Variants in TENM2 observed in about 807,000 individuals in gnomAD.
The protein encoded by TENM2 is teneurin-2.
TENM2 carries 52 observed loss-of-function variants against 245.2 expected under a neutral mutation model. The ratio of observed to expected loss-of-function variants is 0.21; its 90% CI spans 0.17 to 0.27. The LOEUF (loss-of-function observed/expected upper bound fraction) is 0.27. Among genes scored for constraint, TENM2 ranks in the 10% least tolerant of loss-of-function variants. TENM2 has a pLI of 1.00. For synonymous variants in TENM2, 1,363 were observed against 1,438.9 expected (o/e 0.95, Z 1.19); for missense variants, 3,046 against 3,666.8 (o/e 0.83, Z 4.37).
rs549267132 is a variant in TENM2, at chr5:167,405,560, G to A, written c.502+30087G>A. On this transcript the variant is annotated intron_variant, in intron 2 of 28. Transcript: ENST00000518659. ...TTATAAAGGTAATCTGGGTAATGCC[G>A]GGCTCTTACACTCTATTTTAAATCA... Among the ~76,000 whole-genome samples, 12 of 151,742 alleles carry A rather than the reference G, an allele frequency of 7.9e-5. No homozygotes were observed. In the East Asian group the frequency reaches 9.7e-4, roughly 12 times the overall value.
At chr5:167,463,510 T>TA (rs1296109000) in intron 2 of TENM2, among the ~76,000 whole-genome samples, 1 of 152,054 alleles carries the variant, frequency 6.6e-6, no homozygotes, top group East Asian at 1.9e-4. Flanking sequence ...TATTTTATTT[T>TA]TTTTTGAGGC....
At chr5:167,072,202 T>G in the TENM2 span, among the ~76,000 whole-genome samples, 1 of 152,096 alleles carries the variant, frequency 6.6e-6, no homozygotes, top group Admixed American at 6.6e-5. Flanking sequence ...AGGAATACAT[T>G]TAGCATCCAA....
intron 2 of TENM2, among the ~76,000 whole-genome samples, chr5:167,605,456 T>TA (rs940345283): frequency 3.9e-5 from 6 of 152,158 alleles, no homozygotes; most frequent in African/African-American, 1.4e-4. Context: ...GGCCAGTGAA[T>TA]AACTGTTCAT....
At chr5:167,440,085 A>G (rs1764795270) in intron 2 of TENM2, among the ~76,000 whole-genome samples, 1 of 152,146 alleles carries the variant, frequency 6.6e-6, no homozygotes, top group South Asian at 2.1e-4. Context: ...CAGTAAATAG[A>G]TTTTATTTTT....
chr5:167,588,445 T>C (rs984185404), intron 2 of TENM2, among the ~76,000 whole-genome samples: 4 of 152,246 alleles, frequency 2.6e-5, no homozygotes, highest in Non-Finnish European at 4.4e-5. Context: ...TTGTGTGAAA[T>C]TCATTTTAGA....
intron 2 of TENM2, among the ~76,000 whole-genome samples, chr5:167,593,628 T>A (rs1022660860): frequency 6.6e-6 from 1 of 152,218 alleles, no homozygotes; most frequent in Non-Finnish European, 1.5e-5. Flanking sequence ...AGAGCTAAAT[T>A]AAAGTTGCAA....
intron 2 of TENM2, among the ~76,000 whole-genome samples, chr5:167,794,756 A>G (rs115975503): frequency 0.03 from 4,526 of 152,324 alleles, 112 homozygotes; most frequent in Non-Finnish European, 0.045. Context: ...GGGAAGGGAC[A>G]TTTAGGCAAA....
intron 25 of TENM2, among the ~76,000 whole-genome samples, chr5:168,238,229 G>GAAAAGAGAA (rs1765729750): frequency 2.5e-5 from 2 of 81,114 alleles, no homozygotes; most frequent in Non-Finnish European, 5.0e-5. Context: ...GAGAAGAAAA[G>GAAAAGAGAA]AAAAGAAAAG....
intron 2 of TENM2, among the ~76,000 whole-genome samples, chr5:167,389,662 A>G (rs959181634): frequency 2.0e-5 from 3 of 152,118 alleles, no homozygotes; most frequent in Non-Finnish European, 4.4e-5. Context: ...CTGTTTTCTT[A>G]AGATGAATTC....
chr5:168,174,718 C>T (rs1233885243), intron 13 of TENM2, among the ~76,000 whole-genome samples: 1 of 152,162 alleles, frequency 6.6e-6, no homozygotes, highest in Non-Finnish European at 1.5e-5. Flanking sequence ...TGAGGAGAGA[C>T]AGGCCAAACA....
At chr5:167,541,511 C>T (rs1453535200) in intron 2 of TENM2, among the ~76,000 whole-genome samples, 1 of 152,110 alleles carries the variant, frequency 6.6e-6, no homozygotes, top group African/African-American at 2.4e-5. Context: ...TGTTTCAAAG[C>T]AGCAGGAATT....
chr5:168,243,942 T>C (rs1562327107), intron 25 of TENM2, among the ~76,000 whole-genome samples: 1 of 148,236 alleles, frequency 6.7e-6, no homozygotes, highest in African/African-American at 2.5e-5. Flanking sequence ...CTTTGGTTTT[T>C]TTTTTTTTTT....
At chr5:168,008,998 T>G (rs1785026794) in intron 5 of TENM2, among the ~76,000 whole-genome samples, 1 of 152,194 alleles carries the variant, frequency 6.6e-6, no homozygotes, top group Non-Finnish European at 1.5e-5. Context: ...TATGGAAGTC[T>G]ATAGAGAAAA....
the TENM2 span, among the ~76,000 whole-genome samples, chr5:167,023,813 G>A: frequency 6.6e-6 from 1 of 152,178 alleles, no homozygotes; most frequent in Non-Finnish European, 1.5e-5. Flanking sequence ...ATTAATGTAA[G>A]TCTATAAGTC....
chr5:167,022,557 T>A, the TENM2 span, among the ~76,000 whole-genome samples: 1 of 152,350 alleles, frequency 6.6e-6, no homozygotes, highest in South Asian at 2.1e-4. Flanking sequence ...ATCTAGCAAC[T>A]CAACTCACGT....
At chr5:167,101,466 G>A in the TENM2 span, among the ~76,000 whole-genome samples, 3 of 152,062 alleles carry the variant, frequency 2.0e-5, no homozygotes, top group Non-Finnish European at 4.4e-5. Context: ...AATGGCAATG[G>A]TGTCTTCCAT....
intron 1 of TENM2, among the ~76,000 whole-genome samples, chr5:167,343,069 C>G (rs1346401393): frequency 6.6e-6 from 1 of 151,970 alleles, no homozygotes. Flanking sequence ...TTTTGGGTTC[C>G]AAGTTAATAC....
intron 2 of TENM2, among the ~76,000 whole-genome samples, chr5:167,807,488 C>G (rs954677441): frequency 1.3e-5 from 2 of 152,072 alleles, no homozygotes. Flanking sequence ...TGAGAAGACA[C>G]TAGTCTATGT....
At chr5:168,242,355 G>A (rs757905737) in intron 25 of TENM2, among the ~76,000 whole-genome samples, 1 of 152,154 alleles carries the variant, frequency 6.6e-6, no homozygotes, top group African/African-American at 2.4e-5. Flanking sequence ...CAAGGGCTGT[G>A]AAAATGCTTC....
Sources: allele counts gnomAD v4.1 joint callset (sites outside exome capture counted in the v4.1 genomes callset), GRCh38; gene constraint gnomAD v4.1.1; transcripts MANE v1.5; gene names NCBI Gene and HGNC (gene_info 2026-07-23, HGNC 2026-07-21).